NLRC5: variants seen among roughly 807,000 people sequenced by gnomAD.
The protein encoded by NLRC5 is NLR family CARD domain containing 5, also known as protein NLRC5.
Under a neutral mutation model 206.9 loss-of-function variants are expected in NLRC5, and 114 were observed. That is an observed-to-expected ratio of 0.55 (90% CI 0.47 to 0.64). NLRC5 has a LOEUF of 0.64. Among genes scored for constraint, NLRC5 ranks in the 30% least tolerant of loss-of-function variants. NLRC5 has a pLI of 0.00. For synonymous variants in NLRC5, 952 were observed against 962.8 expected (o/e 0.99, Z 0.21); for missense variants, 2,008 against 2,305.5 (o/e 0.87, Z 2.64).
In NLRC5 at chr16:57,058,061, A is replaced by T; in HGVS notation, c.3747-4A>T. 6.2e-7 allele frequency: 1 copy of T among 1,611,088 alleles called. No homozygotes were observed. Among genetic ancestry groups the T allele is most frequent in the Non-Finnish European group, 8.5e-7 (1 of 1,178,572 alleles). The stretch of plus-strand genomic sequence containing the variant: ...TCCCCGCCACTGCTCCTTACCCCCT[A>T]CAGTCTCTCAGCAAACCTGCTGGGC... On this transcript the variant is annotated splice_polypyrimidine_tract_variant and splice_region_variant and intron_variant, in intron 27 of 48. Coordinates refer to ENST00000688547, the MANE Select transcript of NLRC5 (RefSeq NM_001384950.1).
At chr16:56,995,655 C>G (rs2057517135) in intron 1 of NLRC5, among the ~76,000 whole-genome samples, 2 of 152,132 alleles carry the variant, frequency 1.3e-5, no homozygotes, top group African/African-American at 4.8e-5. Flanking sequence ...CTGCACGGTC[C>G]CTTCTGTCCC....
At chr16:57,060,640 AACACAC>A (rs144012212) in intron 30 of NLRC5, among the ~76,000 whole-genome samples, 16,748 of 149,890 alleles carry the variant, frequency 0.11, 1,022 homozygotes, top group South Asian at 0.15. Flanking sequence ...CCACATACAC[AACACAC>A]ACACACACAC....
chr16:57,055,628 A>G (rs2065548611), intron 27 of NLRC5, 109 bp downstream of exon 27: 10 of 846,444 alleles, frequency 1.2e-5, no homozygotes, highest in South Asian at 7.3e-5. Flanking sequence ...GTGCCTGCCT[A>G]CACCTCTCAG....
chr16:57,053,385 A>G (rs548132655), intron 24 of NLRC5, among the ~76,000 whole-genome samples: 24 of 152,256 alleles, frequency 1.6e-4, no homozygotes, highest in African/African-American at 5.5e-4. Context: ...AGACAGCCAG[A>G]GCACAGTGAC....
At chr16:57,029,043 C>T (rs62035546) in intron 8 of NLRC5, among the ~76,000 whole-genome samples, 17,352 of 152,174 alleles carry the variant, frequency 0.11, 1,171 homozygotes, top group African/African-American at 0.16. Context: ...TTCATCCACA[C>T]AGATGCAGCC....
In NLRC5 at chr16:57,082,432, C is replaced by T. The variant is rs2069270632; in HGVS notation, c.5505C>T (p.Pro1835=). ...SIQVIRLWNN[P]IPCDMAQHLK... is the part of the protein sequence containing the mutation. ...TGCCCCACAGCCTCTGGAATAACCCCATTCCCTGCGACATGGCCCAGCACC... is the reference window on the plus strand; with the variant it reads ...TGCCCCACAGCCTCTGGAATAACCCTATTCCCTGCGACATGGCCCAGCACC... Residue 1835 remains proline (P), a synonymous_variant, in exon 49 of 49, where the codon CCC becomes CCT. Transcript: ENST00000688547. 6.2e-7 allele frequency: 1 copy of T among 1,613,158 alleles called. No homozygotes were observed. The highest frequency in any genetic ancestry group is 1.1e-5 in the South Asian group (1 of 90,838).
intron 37 of NLRC5, 142 bp downstream of exon 37, chr16:57,070,061 G>A (rs1487638377): frequency 1.0e-5 from 7 of 687,346 alleles, no homozygotes; most frequent in Non-Finnish European, 1.7e-5. Flanking sequence ...AGTTCTGGGT[G>A]TGGCCTGGGG....
At chr16:57,032,325 TG>T (rs1161462103) in intron 11 of NLRC5, among the ~76,000 whole-genome samples, 9 of 151,758 alleles carry the variant, frequency 5.9e-5, no homozygotes, top group African/African-American at 2.2e-4. Flanking sequence ...CGCTTGAGCC[TG>T]GGAGCTTGAG....
intron 45 of NLRC5, 97 bp downstream of exon 45, chr16:57,079,389 T>C (rs1437747982): frequency 1.2e-5 from 18 of 1,449,298 alleles, no homozygotes; most frequent in African/African-American, 9.8e-5. Flanking sequence ...TTTGAAGTGA[T>C]AGAAGCCCCA....
chr16:57,022,173 C>A, intron 3 of NLRC5, 83 bp from the exon 4 acceptor site: 1 of 1,174,992 alleles, frequency 8.5e-7, no homozygotes, highest in Non-Finnish European at 1.2e-6. Context: ...TGAGATGAGC[C>A]CTGAGCCAGG....
At chr16:57,040,975 C>G (rs566176172) in intron 17 of NLRC5, among the ~76,000 whole-genome samples, 1 of 152,262 alleles carries the variant, frequency 6.6e-6, no homozygotes, top group Admixed American at 6.5e-5. Flanking sequence ...CCCTGACCCC[C>G]AGCAGCTGAG....
At position 57,025,708 on chromosome 16, in the gene NLRC5, C is replaced by T; in HGVS notation, c.765C>T (p.Ala255=). 1 of 1,614,226 alleles carries T rather than the reference C, an allele frequency of 6.2e-7. No individual in the cohort carries two copies. Among genetic ancestry groups the T allele is most frequent in the Non-Finnish European group, 8.5e-7 (1 of 1,180,042 alleles). ...WAEGHLNCFQ[A]LFLFEFRQLN... ...AGGGCCATCTGAACTGTTTCCAGGC[C>T]CTGTTCCTTTTTGAATTCCGCCAGC... The change falls in exon 6 of 49, where the codon GCC becomes GCT. Residue 255 remains alanine (A), a synonymous_variant. Transcript: ENST00000688547.
In NLRC5 at chr16:57,069,877, T is replaced by A; in HGVS notation, c.4541T>A (p.Leu1514Gln). The A allele has an allele frequency of 5.0e-6, 8 of 1,598,152 alleles. No individual in the cohort carries two copies. Among genetic ancestry groups the A allele is most frequent in the Non-Finnish European group, 6.8e-6 (8 of 1,173,072 alleles). The stretch of plus-strand genomic sequence containing the variant: ...GTGAGCACCGAGGGCCTCGCCCACC[T>A]GGCATCTGGTCTGGGCCACTGCCAC... Reference protein sequence around the residue: ...SCVSTEGLAHLASGLGHCHHL... With the variant: ...SCVSTEGLAHQASGLGHCHHL... The change falls in exon 37 of 49, where the codon CTG becomes CAG. Residue 1514 changes from leucine (L) to glutamine (Q), a missense_variant. Transcript: ENST00000688547.
Position 57,026,022 on chromosome 16 carries a change from C to G in NLRC5, c.1079C>G (p.Ala360Gly). 6.2e-7 allele frequency: 1 copy of G among 1,613,976 alleles called. No individual in the cohort carries two copies. Among genetic ancestry groups the G allele is most frequent in the Middle Eastern group, 1.6e-4 (1 of 6,062 alleles). The change falls in exon 6 of 49, where the codon GCC becomes GGC. Residue 360 changes from alanine to glycine, a missense_variant. Transcript: ENST00000688547. ...CCTGCCTGCCTGCCTGCAGAGGCAG[C>G]CATGGTCCACATGTTGGGCTTTGAT... is the stretch of plus-strand genomic sequence containing the variant. ...KLPACLPAEA[A>G]MVHMLGFDGP...
chr16:57,020,477 C>T (rs1230411404), intron 2 of NLRC5, among the ~76,000 whole-genome samples: 2 of 103,716 alleles, frequency 1.9e-5, no homozygotes, highest in Non-Finnish European at 3.9e-5. Context: ...GTTCCCCTGT[C>T]CCCCAGCTCA....
chr16:57,078,979 G>A, intron 43 of NLRC5, 71 bp from the exon 44 acceptor site: 1 of 1,394,318 alleles, frequency 7.2e-7, no homozygotes, highest in Middle Eastern at 1.8e-4. Context: ...TGCAGCCTGA[G>A]ACAAGGCTGA....
chr16:57,081,282 C>A, intron 47 of NLRC5, 101 bp downstream of exon 47: 1 of 1,234,730 alleles, frequency 8.1e-7, no homozygotes, highest in Non-Finnish European at 1.1e-6. Context: ...CCAGAAAGCC[C>A]TTCCTTGAGT....
At chr16:57,041,368 A>T in intron 17 of NLRC5, 117 bp from the exon 18 acceptor site, 1 of 765,006 alleles carries the variant, frequency 1.3e-6, no homozygotes, top group Non-Finnish European at 2.2e-6. Flanking sequence ...GATACATCCC[A>T]GTCCCTCCTC....
At chr16:57,070,406 T>A (rs1275360712) in intron 37 of NLRC5, 129 bp from the exon 38 acceptor site, 1 of 724,438 alleles carries the variant, frequency 1.4e-6, no homozygotes, top group Non-Finnish European at 2.4e-6. Context: ...ACAGCGAGGG[T>A]GGCCCAGGGC....
Sources: gnomAD v4.1 joint callset for allele counts (sites outside exome capture counted in the v4.1 genomes callset) on GRCh38, gnomAD v4.1.1 for gene constraint, MANE v1.5 for transcripts, NCBI Gene and HGNC (gene_info 2026-07-23, HGNC 2026-07-21) for gene names.